Variants in ATP6V1A observed in about 807,000 individuals in gnomAD.
The protein encoded by ATP6V1A is ATPase H+ transporting V1 subunit A.
Under a neutral mutation model 70.1 loss-of-function variants are expected in ATP6V1A, and 18 were observed. The observed-to-expected ratio is 0.26, with a 90% CI of 0.18 to 0.38. ATP6V1A has a LOEUF of 0.38. Among genes scored for constraint, ATP6V1A ranks in the 10% least tolerant of loss-of-function variants. ATP6V1A has a pLI of 1.00. For missense variants in ATP6V1A, 424 were observed against 772.4 expected (o/e 0.55, Z 5.35); for synonymous variants, 232 against 253.8 (o/e 0.91, Z 0.82).
intron 12 of ATP6V1A, among the ~76,000 whole-genome samples, chr3:113,801,642 A>G (rs977819166): frequency 2.6e-5 from 4 of 152,158 alleles, no homozygotes; most frequent in Non-Finnish European, 5.9e-5. Flanking sequence ...AATGTCCTCT[A>G]CTGTGAGCAA....
At chr3:113,763,679 A>G (rs1350008875) in intron 1 of ATP6V1A, among the ~76,000 whole-genome samples, 2 of 152,166 alleles carry the variant, frequency 1.3e-5, no homozygotes, top group South Asian at 2.1e-4. Context: ...TGTTGTTTCT[A>G]GGACATTTTT....
At chr3:113,766,272 ATCTC>A (rs72022407) in intron 1 of ATP6V1A, among the ~76,000 whole-genome samples, 2 of 151,048 alleles carry the variant, frequency 1.3e-5, no homozygotes, top group Admixed American at 6.6e-5. Flanking sequence ...AGCAGAGATC[ATCTC>A]TCTCTCTTTC....
intron 12 of ATP6V1A, among the ~76,000 whole-genome samples, chr3:113,800,586 T>A (rs1709200152): frequency 6.6e-6 from 1 of 152,196 alleles, no homozygotes; most frequent in Non-Finnish European, 1.5e-5. Context: ...TGGATTGTTC[T>A]CTAATTCCAC....
intron 3 of ATP6V1A, among the ~76,000 whole-genome samples, chr3:113,783,736 A>G (rs1174859516): frequency 1.3e-5 from 2 of 152,150 alleles, no homozygotes; most frequent in African/African-American, 4.8e-5. Flanking sequence ...TTGCTGTACT[A>G]TATTTTTGTC....
At chr3:113,801,672 G>T (rs1314877928) in intron 12 of ATP6V1A, among the ~76,000 whole-genome samples, 3 of 152,088 alleles carry the variant, frequency 2.0e-5, no homozygotes, top group Non-Finnish European at 4.4e-5. Context: ...GGTAAAATAG[G>T]GAGGGTGCAC....
At chr3:113,760,107 T>G (rs752704846) in intron 1 of ATP6V1A, among the ~76,000 whole-genome samples, 32 of 152,238 alleles carry the variant, frequency 2.1e-4, no homozygotes, top group Non-Finnish European at 3.5e-4. Context: ...ACAACTAGTT[T>G]AGTTAAATAA....
chr3:113,799,345 A>C (rs150606247), intron 12 of ATP6V1A, among the ~76,000 whole-genome samples: 9 of 152,316 alleles, frequency 5.9e-5, no homozygotes, highest in Non-Finnish European at 1.3e-4. Flanking sequence ...AGGATATCTC[A>C]GTTAATGTGG....
intron 1 of ATP6V1A, among the ~76,000 whole-genome samples, chr3:113,761,139 T>C (rs1269262490): frequency 6.6e-6 from 1 of 151,646 alleles, no homozygotes; most frequent in Non-Finnish European, 1.5e-5. Context: ...AGGGTCTCAC[T>C]GTGTTGTCCA....
At chr3:113,796,646 TA>T (rs34033124) in intron 11 of ATP6V1A, among the ~76,000 whole-genome samples, 1,816 of 145,892 alleles carry the variant, frequency 0.012, 33 homozygotes, top group Admixed American at 0.038. Context: ...GAGCTATAGT[TA>T]AAAAAAAAAA....
intron 1 of ATP6V1A, among the ~76,000 whole-genome samples, chr3:113,748,013 A>G (rs1479788889): frequency 2.0e-5 from 3 of 152,198 alleles, no homozygotes; most frequent in Non-Finnish European, 4.4e-5. Context: ...TCTGCCGTCA[A>G]TCCTTCCCTT....
At position 113,781,104 on chromosome 3, in the gene ATP6V1A, G is replaced by T; in HGVS notation, c.137G>T (p.Gly46Val). ...GAAMYELVRVGHSELVGEIIR... is the reference protein window; with the variant it reads ...GAAMYELVRVVHSELVGEIIR... ...GCCATGTATGAGCTGGTGAGAGTGG[G>T]CCACAGCGAATTGGTTGGAGAGATT... Residue 46 changes from glycine to valine, a missense_variant, in exon 3 of 15, where the codon GGC becomes GTC. Around this residue, in one of 9 missense-constraint regions of ATP6V1A, gnomAD observed 31 missense variants for 78.6 expected, o/e 0.39. Transcript: ENST00000273398. 6.2e-7 allele frequency: 1 copy of T among 1,613,724 alleles called. No homozygotes were observed. The highest frequency in any genetic ancestry group is 2.2e-5 in the East Asian group (1 of 44,850).
At chr3:113,772,026 C>T (rs950366823) in intron 1 of ATP6V1A, among the ~76,000 whole-genome samples, 1 of 152,154 alleles carries the variant, frequency 6.6e-6, no homozygotes, top group African/African-American at 2.4e-5. Flanking sequence ...TGGGTGGAAG[C>T]AGAGTTGGGC....
chr3:113,751,718 G>C (rs1044149957), intron 1 of ATP6V1A, among the ~76,000 whole-genome samples: 1 of 150,936 alleles, frequency 6.6e-6, no homozygotes, highest in African/African-American at 2.4e-5. Flanking sequence ...AATATTTGTA[G>C]TATATAAAGT....
At chr3:113,798,154 G>T in intron 11 of ATP6V1A, 89 bp from the exon 12 acceptor site, 3 of 1,408,382 alleles carry the variant, frequency 2.1e-6, no homozygotes, top group South Asian at 1.2e-5. Context: ...AAAAAGAATT[G>T]CATAGTTGGG....
chr3:113,774,103 T>C (rs986298983), intron 1 of ATP6V1A, among the ~76,000 whole-genome samples: 1 of 151,904 alleles, frequency 6.6e-6, no homozygotes, highest in South Asian at 2.1e-4. Context: ...TGGTTCAAGA[T>C]AAGAACTATC....
At chr3:113,797,917 G>T (rs1470030606) in intron 11 of ATP6V1A, among the ~76,000 whole-genome samples, 1 of 152,086 alleles carries the variant, frequency 6.6e-6, no homozygotes, top group Non-Finnish European at 1.5e-5. Context: ...GGGATCACAT[G>T]AGGTCAGGAG....
intron 12 of ATP6V1A, among the ~76,000 whole-genome samples, chr3:113,801,477 G>A (rs1007956864): frequency 2.0e-5 from 3 of 152,166 alleles, no homozygotes; most frequent in Non-Finnish European, 2.9e-5. Context: ...GCTGGTGGGT[G>A]GATTGTCTGG....
rs1261091635 is a variant in ATP6V1A, at chr3:113,784,738, A to G, written c.469A>G (p.Ser157Gly). 39 of 1,614,014 alleles carry G rather than the reference A, an allele frequency of 2.4e-5. No individual in the cohort carries two copies. The highest frequency in any genetic ancestry group is 3.0e-5 in the Non-Finnish European group (35 of 1,180,010). ...TGGCGGAGACATTTATGGAATTGTCAGTGAGAACTCGCTTATCAAACACAA... is the reference window on the plus strand; with the variant it reads ...TGGCGGAGACATTTATGGAATTGTCGGTGAGAACTCGCTTATCAAACACAA... ...ITGGDIYGIV[S>G]ENSLIKHKIM... The change falls in exon 5 of 15, where the codon AGT (serine) becomes GGT (glycine). Residue 157 changes from serine (S) to glycine (G), a missense_variant. By Grantham distance (56) the Ser-to-Gly change is moderately conservative. This residue lies in a region of ATP6V1A where 139 missense variants were observed against 163.5 expected (regional missense o/e 0.85). Coordinates refer to ENST00000273398, the MANE Select transcript of ATP6V1A (RefSeq NM_001690.4).
intron 1 of ATP6V1A, among the ~76,000 whole-genome samples, chr3:113,766,117 A>T (rs941727953): frequency 4.6e-5 from 7 of 152,138 alleles, no homozygotes; most frequent in African/African-American, 1.7e-4. Flanking sequence ...ATTGCCATAG[A>T]CTATGTGACT....
Sources: gnomAD v4.1 joint callset for allele counts (sites outside exome capture counted in the v4.1 genomes callset) on GRCh38, gnomAD v4.1.1 for gene constraint, gnomAD v4.1.1 regional missense constraint, MANE v1.5 for transcripts, NCBI Gene and HGNC (gene_info 2026-07-23, HGNC 2026-07-21) for gene names.